The following SUDS3 variants were observed in gnomAD, a reference collection of about 807,000 sequenced individuals.
SUDS3 encodes the protein sin3 histone deacetylase corepressor complex component SDS3.
Under a neutral mutation model 53.5 loss-of-function variants are expected in SUDS3, and 23 were observed. That is an observed-to-expected ratio of 0.43 (90% CI 0.31 to 0.61). SUDS3 has a LOEUF of 0.61. Ranked by LOEUF, SUDS3 falls within the 20% of genes least tolerant of loss-of-function variation. The pLI, the probability that SUDS3 is intolerant of heterozygous loss-of-function variation, is 0.10. For missense variants in SUDS3, 291 were observed against 405.9 expected (o/e 0.72, Z 2.43); for synonymous variants, 150 against 148.5 (o/e 1.01, Z -0.08).
chr12:118,382,044 CT>C (rs200415564), intron 2 of SUDS3, among the ~76,000 whole-genome samples: 224 of 145,312 alleles, frequency 1.5e-3, no homozygotes, highest in Admixed American at 1.7e-3. Context: ...AGATGGATTA[CT>C]TTTTTTTTTT....
At chr12:118,400,015 G>T (rs569014399) in intron 6 of SUDS3, among the ~76,000 whole-genome samples, 5 of 152,128 alleles carry the variant, frequency 3.3e-5, no homozygotes, top group Non-Finnish European at 5.9e-5. Flanking sequence ...GCCACCTCTT[G>T]GGAGGAGCTA....
intron 3 of SUDS3, among the ~76,000 whole-genome samples, chr12:118,385,156 T>C (rs574483637): frequency 2.6e-4 from 39 of 151,972 alleles, no homozygotes; most frequent in African/African-American, 9.2e-4. Flanking sequence ...GTCACCCAGG[T>C]GGAGGGCAGT....
chr12:118,376,828 A>G lies in SUDS3; in HGVS notation c.137A>G (p.Asp46Gly), dbSNP rs1261929353. ...CGCAGCTGTCGGGGCCGCGAGTCGG[A>G]CGAAGGTGAGTCCTGCCGCTCGCCC... is the stretch of plus-strand genomic sequence containing the variant. ...DERSCRGRESDEDTEDASETD... is the reference protein window; with the variant it reads ...DERSCRGRESGEDTEDASETD... Residue 46 changes from aspartate to glycine, a missense_variant, in exon 1 of 12, where the codon GAC (aspartate) becomes GGC (glycine). Around this residue, in one of 4 missense-constraint regions of SUDS3, gnomAD observed 149 missense variants for 146.5 expected, o/e 1.02. Coordinates refer to ENST00000543473, the MANE Select transcript of SUDS3 (RefSeq NM_022491.3). The G allele has an allele frequency of 2.6e-6, 4 of 1,531,784 alleles. No homozygotes were observed. Among genetic ancestry groups the G allele is most frequent in the Non-Finnish European group, 3.5e-6 (4 of 1,145,442 alleles). The allele number at this position is 1,531,784 out of a possible 1,614,324, so 94.9% of individuals were successfully genotyped here.
At position 118,400,732 on chromosome 12, in the gene SUDS3, CAA is replaced by C; in HGVS notation, c.592_593del (p.Lys198GlufsTer16). The C allele has an allele frequency of 6.2e-7, 1 of 1,614,002 alleles. No individual in the cohort carries two copies. The highest frequency in any genetic ancestry group is 8.5e-7 in the Non-Finnish European group (1 of 1,179,886). ...CAAATGATCCCGTCCCCATCCCAGA[CAA>C]GAGGAGGAAACCTGCTCCAGATATC... The part of the protein sequence containing the change: ...RPNDPVPIPD[K>X]RRKPAPAQLN... On this transcript the variant is annotated frameshift_variant, in exon 7 of 12. Transcript: ENST00000543473. LOFTEE classifies it high-confidence loss of function.
In SUDS3 at chr12:118,402,015, G is replaced by A; in HGVS notation, c.697+11G>A. ...CACCCAAGAGACCAGGTGAGTGCAT[G>A]ATGTGTTGGCATTTGTGCAACCTTT... On this transcript the variant is annotated intron_variant, in intron 9 of 11. Coordinates refer to ENST00000543473, the MANE Select transcript of SUDS3 (RefSeq NM_022491.3). 3.1e-6 allele frequency: 5 copies of A among 1,613,934 alleles called. No individual in the cohort carries two copies. The highest frequency in any genetic ancestry group is 2.2e-5 in the South Asian group (2 of 91,076).
Position 118,408,738 on chromosome 12 carries a change from G to A in SUDS3, c.804-2335G>A, listed in dbSNP as rs571249949. Among the ~76,000 whole-genome samples the A allele has an allele frequency of 7.3e-5, 11 of 151,196 alleles. No individual in the cohort carries two copies. The South Asian group carries it at 1.3e-3, about 17-fold the overall frequency. The stretch of plus-strand genomic sequence containing the variant: ...GTATATGGAGCATGTTTCCACACTC[G>A]TAATATTCTACACCACATCCATGAC... On this transcript the variant is annotated intron_variant, in intron 10 of 11. Coordinates refer to ENST00000543473, the MANE Select transcript of SUDS3 (RefSeq NM_022491.3).
At chr12:118,382,362 CA>C (rs2046073878) in intron 2 of SUDS3, among the ~76,000 whole-genome samples, 3 of 79,322 alleles carry the variant, frequency 3.8e-5, no homozygotes, top group African/African-American at 2.0e-4. Flanking sequence ...TTTTTTGAGA[CA>C]GTAGCCACTT....
In SUDS3 at chr12:118,414,327, C is replaced by T. The variant is rs1375140920; in HGVS notation, c.889-8C>T. ...TTTTCATCTTGTTCCCTTTCCTCTCCCCTGCAGATCTGGGTGAGGAAGACA... is the reference window on the plus strand; with the variant it reads ...TTTTCATCTTGTTCCCTTTCCTCTCTCCTGCAGATCTGGGTGAGGAAGACA... On this transcript the variant is annotated splice_polypyrimidine_tract_variant and splice_region_variant and intron_variant, in intron 11 of 11. Coordinates refer to ENST00000543473, the MANE Select transcript of SUDS3 (RefSeq NM_022491.3). The T allele has an allele frequency of 6.3e-7, 1 of 1,591,252 alleles. No individual in the cohort carries two copies. The highest frequency in any genetic ancestry group is 8.6e-7 in the Non-Finnish European group (1 of 1,168,410).
At chr12:118,405,274 G>A (rs987744125) in intron 10 of SUDS3, among the ~76,000 whole-genome samples, 2 of 152,220 alleles carry the variant, frequency 1.3e-5, no homozygotes, top group Admixed American at 6.5e-5. Flanking sequence ...GAGTCTTAAA[G>A]CCATGTGATA....
chr12:118,376,748 C>A lies in SUDS3; in HGVS notation c.57C>A (p.Ala19=). 1 of 1,541,700 alleles carries A rather than the reference C, an allele frequency of 6.5e-7. No individual in the cohort carries two copies. The highest frequency in any genetic ancestry group is 2.0e-4 in the Middle Eastern group (1 of 4,916). The change falls in exon 1 of 12, where the codon GCC becomes GCA. Residue 19 remains alanine (A), a synonymous_variant. Transcript: ENST00000543473. The part of the protein sequence containing the change: ...PAPAQAGAPP[A]PEYYPEEDEE... ...CGGCCCAGGCTGGAGCGCCGCCGGC[C>A]CCCGAGTACTACCCCGAGGAGGATG...
chr12:118,408,538 T>C (rs998226668), intron 10 of SUDS3, among the ~76,000 whole-genome samples: 1 of 151,440 alleles, frequency 6.6e-6, no homozygotes, highest in African/African-American at 2.4e-5. Context: ...TTCACCATGT[T>C]GGTCGGGCTG....
intron 10 of SUDS3, among the ~76,000 whole-genome samples, chr12:118,410,386 A>C (rs2046347211): frequency 6.6e-6 from 1 of 152,154 alleles, no homozygotes; most frequent in Non-Finnish European, 1.5e-5. Flanking sequence ...GTTTTTATTT[A>C]ACAATTTTTA....
chr12:118,384,334 G>A (rs900904643), intron 3 of SUDS3, among the ~76,000 whole-genome samples: 4 of 152,112 alleles, frequency 2.6e-5, no homozygotes, highest in African/African-American at 9.7e-5. Flanking sequence ...CGAATTGAAC[G>A]CCACTGTGCC....
At chr12:118,381,587 T>C (rs970124718) in intron 2 of SUDS3, among the ~76,000 whole-genome samples, 10 of 152,158 alleles carry the variant, frequency 6.6e-5, no homozygotes, top group African/African-American at 2.4e-4. Flanking sequence ...GGTTTCTCCA[T>C]GTTGGCCAGG....
intron 10 of SUDS3, among the ~76,000 whole-genome samples, chr12:118,408,631 G>T (rs1176732094): frequency 6.6e-6 from 1 of 152,006 alleles, no homozygotes; most frequent in Non-Finnish European, 1.5e-5. Flanking sequence ...ACTGCACCCA[G>T]CTGTAACATG....
chr12:118,376,846 G>T lies in SUDS3; in HGVS notation c.142+13G>T. ...GAGTCGGACGAAGGTGAGTCCTGCC[G>T]CTCGCCCGGCCGCCCGGAGCGGAGG... On this transcript the variant is annotated intron_variant, in intron 1 of 11. Transcript: ENST00000543473. 6.6e-7 allele frequency: 1 copy of T among 1,520,390 alleles called. No individual in the cohort carries two copies. 94.2% of individuals were successfully genotyped at this position (1,520,390 alleles called of 1,614,324 possible).
intron 6 of SUDS3, among the ~76,000 whole-genome samples, chr12:118,393,913 C>T (rs555677559): frequency 2.6e-5 from 4 of 151,850 alleles, no homozygotes; most frequent in South Asian, 2.1e-4. Flanking sequence ...TCAGGTGATC[C>T]GCCTGCCTCA....
chr12:118,378,673 T>G (rs1484589263), intron 1 of SUDS3, among the ~76,000 whole-genome samples: 2 of 151,706 alleles, frequency 1.3e-5, no homozygotes, highest in Non-Finnish European at 2.9e-5. Context: ...TTTGTTGTTT[T>G]GTTTATTTTA....
At chr12:118,408,678 A>G (rs2046330459) in intron 10 of SUDS3, among the ~76,000 whole-genome samples, 1 of 150,780 alleles carries the variant, frequency 6.6e-6, no homozygotes, top group South Asian at 2.1e-4. Context: ...CATAGTTGAC[A>G]TAGTTTTTTT....
Sources: allele counts gnomAD v4.1 joint callset (sites outside exome capture counted in the v4.1 genomes callset), GRCh38; gene constraint gnomAD v4.1.1; regional missense constraint gnomAD v4.1.1; transcripts MANE v1.5; gene names NCBI Gene and HGNC (gene_info 2026-07-23, HGNC 2026-07-21).